The following TAP2 variants were observed in gnomAD, a reference collection of about 807,000 sequenced individuals.
TAP2 encodes the protein antigen peptide transporter 2.
In TAP2, 49 loss-of-function variants were observed where a neutral mutation model predicts 74.7. The ratio of observed to expected loss-of-function variants is 0.66; its 90% CI spans 0.52 to 0.83. The LOEUF (loss-of-function observed/expected upper bound fraction) is 0.83, where lower values mean the gene tolerates loss of function less well. Ranked by LOEUF, TAP2 falls within the 40% of genes least tolerant of loss-of-function variation. The pLI is 0.00. For synonymous variants in TAP2, 306 were observed against 368.4 expected (o/e 0.83, Z 1.94); for missense variants, 739 against 859.0 (o/e 0.86, Z 1.75).
In TAP2 at chr6:32,830,099, A is replaced by G. The variant is rs241436; in HGVS notation, c.1636-10T>C. ...GCCCAACTGAAACCACCTGTGCAGCAGGGACAGGGGCAGAGGACTATGTGT... is the reference window on the plus strand; with the variant it reads ...GCCCAACTGAAACCACCTGTGCAGCGGGGACAGGGGCAGAGGACTATGTGT... On this transcript the variant is annotated splice_polypyrimidine_tract_variant and intron_variant, in intron 9 of 11. Coordinates refer to ENST00000374897, the MANE Select transcript of TAP2 (RefSeq NM_001290043.2). The G allele has an allele frequency of 0.47, 751,599 of 1,612,616 alleles. 178,837 individuals are homozygous for G. Among genetic ancestry groups the G allele is most frequent in the East Asian group, 0.58 (25,974 of 44,862 alleles).
chr6:32,828,674 A>AGCG lies in TAP2; in HGVS notation c.*231_*232insCGC. Reference sequence around the variant, plus strand: ...GGAATTAAGTTTCCTGGACACAGACAGCCCCCACCCCACCCCACCCCACCT... The same window carrying AGCG: ...GGAATTAAGTTTCCTGGACACAGACAGCGGCCCCCACCCCACCCCACCCCACCT... On this transcript the variant is annotated 3_prime_UTR_variant, in exon 12 of 12. Coordinates refer to ENST00000374897, the MANE Select transcript of TAP2 (RefSeq NM_001290043.2). 5.4e-6 allele frequency: 5 copies of AGCG among 922,040 alleles called. No homozygotes were observed. Among genetic ancestry groups the AGCG allele is most frequent in the Non-Finnish European group, 6.5e-6 (5 of 765,332 alleles). The allele number at this position is 922,040 out of a possible 1,614,324, so 57.1% of individuals were successfully genotyped here.
downstream of TAP2, among the ~76,000 whole-genome samples, chr6:32,825,165 CAT>C (rs1456218318): frequency 3.4e-5 from 4 of 117,660 alleles, no homozygotes; most frequent in African/African-American, 1.2e-4. Flanking sequence ...CAGATAAACT[CAT>C]ATGTTGCTGC....
Position 32,832,960 on chromosome 6 carries a change from T to C in TAP2, c.946-136A>G. The C allele has an allele frequency of 1.0e-6, 1 of 1,000,704 alleles. No homozygotes were observed. The highest frequency in any genetic ancestry group is 1.5e-6 in the Non-Finnish European group (1 of 661,162). 62.0% of individuals were successfully genotyped at this position (1,000,704 alleles called of 1,614,324 possible). The stretch of plus-strand genomic sequence containing the variant: ...TTTCTCTCCCTCTTCCTTACTCTTC[T>C]TTCCAGAAGGAATAAGAGTGAAGGA... On this transcript the variant is annotated intron_variant, in intron 5 of 11. Coordinates refer to ENST00000374897, the MANE Select transcript of TAP2 (RefSeq NM_001290043.2). The surrounding 1 kb of genome is among the most constrained non-coding windows in gnomAD (Gnocchi z 5.9).
At position 32,826,634 on chromosome 6, in the gene TAP2, C is replaced by T; in HGVS notation, c.*2272G>A. The stretch of plus-strand genomic sequence containing the variant: ...AGTTTCCCCTGAGATAAGAAACTTT[C>T]AGGACATCTTAAGGTCTACTGCATC... On this transcript the variant is annotated 3_prime_UTR_variant, in exon 12 of 12. Transcript: ENST00000374897. 1.0e-6 allele frequency: 1 copy of T among 985,408 alleles called. No individual in the cohort carries two copies. Among genetic ancestry groups the T allele is most frequent in the Non-Finnish European group, 1.2e-6 (1 of 829,936 alleles). The allele number at this position is 985,408 out of a possible 1,614,324, so 61.0% of individuals were successfully genotyped here.
At chr6:32,831,260 C>G (rs1340804039) in intron 7 of TAP2, among the ~76,000 whole-genome samples, 1 of 152,182 alleles carries the variant, frequency 6.6e-6, no homozygotes, top group African/African-American at 2.4e-5. Flanking sequence ...TTTTTGAGAA[C>G]TGGTAAATGT....
downstream of TAP2, among the ~76,000 whole-genome samples, chr6:32,825,164 T>G (rs925020634): frequency 4.4e-5 from 5 of 114,428 alleles, no homozygotes; most frequent in African/African-American, 6.0e-5. Context: ...ACAGATAAAC[T>G]CATATGTTGC....
rs751087452 is a variant in TAP2 at position 32,837,785 on chromosome 6, G to A, written c.449C>T (p.Pro150Leu). 2.5e-5 allele frequency: 41 copies of A among 1,614,070 alleles called. No homozygotes were observed. The highest frequency in any genetic ancestry group is 3.1e-5 in the Non-Finnish European group (37 of 1,180,054). The change falls in exon 2 of 12, where the codon CCT becomes CTT. Residue 150 changes from proline (P) to leucine (L), a missense_variant. Coordinates refer to ENST00000374897, the MANE Select transcript of TAP2 (RefSeq NM_001290043.2). ...GAAGAAGAAGGCGGCAACGAGGAGA[G>A]GCAGGTCCGGCCTGGAGAGCTTCAG... ...RLLKLSRPDLPLLVAAFFFLV... is the reference protein window; with the variant it reads ...RLLKLSRPDLLLLVAAFFFLV...
At position 32,835,070 on chromosome 6, in the gene TAP2, G is replaced by C; in HGVS notation, c.945+84C>G. ...GCTGAGAAGAGAACATCTCTCTCTA[G>C]GGGATCCTCTAGCCACAAATGTGGA... On this transcript the variant is annotated intron_variant, in intron 5 of 11. Coordinates refer to ENST00000374897, the MANE Select transcript of TAP2 (RefSeq NM_001290043.2). The surrounding 1 kb of genome is among the most constrained non-coding windows in gnomAD (Gnocchi z 4.0). 1 of 1,403,038 alleles carries C rather than the reference G, an allele frequency of 7.1e-7. No individual in the cohort carries two copies. Among genetic ancestry groups the C allele is most frequent in the South Asian group, 1.2e-5 (1 of 84,080 alleles). 86.9% of individuals were successfully genotyped at this position (1,403,038 alleles called of 1,614,324 possible). A position where few individuals can be genotyped will look rare whatever the true frequency, so the allele number is the denominator to read the frequency against.
chr6:32,823,802 C>T (rs985361324), downstream of TAP2, among the ~76,000 whole-genome samples: 3 of 151,972 alleles, frequency 2.0e-5, no homozygotes. Context: ...CTTTATTGTG[C>T]ATTTTAAAAA....
Position 32,828,383 on chromosome 6 carries a change from A to G in TAP2, c.*523T>C. The G allele has an allele frequency of 1.0e-6, 1 of 985,910 alleles. No homozygotes were observed. Among genetic ancestry groups the G allele is most frequent in the Non-Finnish European group, 1.2e-6 (1 of 830,330 alleles). The allele number at this position is 985,910 out of a possible 1,614,324, so 61.1% of individuals were successfully genotyped here. ...GAACAAGGAAGGATATAGGAAGGCA[A>G]TCTCATGAATATTTATGTCATTTTT... On this transcript the variant is annotated 3_prime_UTR_variant, in exon 12 of 12. Transcript: ENST00000374897.
At chr6:32,822,602 C>T (rs1768356616), downstream of TAP2, among the ~76,000 whole-genome samples, 1 of 151,498 alleles carries the variant, frequency 6.6e-6, no homozygotes, top group Non-Finnish European at 1.5e-5. Context: ...TGCAGTGGCA[C>T]AATCATAGCT....
In TAP2 at chr6:32,827,583, G is replaced by A. The variant is rs1304299131; in HGVS notation, c.*1323C>T. 1 of 427,092 alleles carries A rather than the reference G, an allele frequency of 2.3e-6. No individual in the cohort carries two copies. Among genetic ancestry groups the A allele is most frequent in the Non-Finnish European group, 3.1e-6 (1 of 320,840 alleles). The allele number at this position is 427,092 out of a possible 1,614,324, so 26.5% of individuals were successfully genotyped here. On this transcript the variant is annotated 3_prime_UTR_variant, in exon 12 of 12. Transcript: ENST00000374897. ...GCCTCCTGGAAGACCTGAACCCTGA[G>A]TTAAGTCTTGAACTTGAAAATCAGG...
chr6:32,822,495 T>G (rs953753366), downstream of TAP2, among the ~76,000 whole-genome samples: 2 of 152,104 alleles, frequency 1.3e-5, no homozygotes, highest in East Asian at 1.9e-4. Flanking sequence ...ACTTGCTTCA[T>G]AAAAAAATTT....
intron 10 of TAP2, 101 bp downstream of exon 10, chr6:32,829,829 C>G: frequency 6.7e-7 from 1 of 1,487,676 alleles, no homozygotes; most frequent in Non-Finnish European, 9.4e-7. Context: ...GGCAGAGGAA[C>G]AGCAAACATC....
At chr6:32,831,676 A>T (rs1406417563) in intron 7 of TAP2, among the ~76,000 whole-genome samples, 1 of 152,216 alleles carries the variant, frequency 6.6e-6, no homozygotes, top group Admixed American at 6.5e-5. Context: ...TCCACAGGAC[A>T]AACAACCTAT....
chr6:32,828,331 C>G lies in TAP2; in HGVS notation c.*575G>C. 1.0e-6 allele frequency: 1 copy of G among 985,516 alleles called. No homozygotes were observed. Among genetic ancestry groups the G allele is most frequent in the Non-Finnish European group, 1.2e-6 (1 of 830,030 alleles). 61.0% of individuals were successfully genotyped at this position (985,516 alleles called of 1,614,324 possible). On this transcript the variant is annotated 3_prime_UTR_variant, in exon 12 of 12. Transcript: ENST00000374897. ...TGTTCTCTGTCCCTCCAGACCCTAG[C>G]TTCTTCAAAATAGCAGACACTGGTA...
rs1442374011 is a variant in TAP2, at chr6:32,837,843, G to C, written c.391C>G (p.Gln131Glu). The C allele has an allele frequency of 6.2e-7, 1 of 1,613,682 alleles. No individual in the cohort carries two copies. The highest frequency in any genetic ancestry group is 8.5e-7 in the Non-Finnish European group (1 of 1,180,010). Residue 131 changes from glutamine to glutamate, a missense_variant, in exon 2 of 12, where the codon CAG becomes GAG. Coordinates refer to ENST00000374897, the MANE Select transcript of TAP2 (RefSeq NM_001290043.2). Reference sequence around the variant, plus strand: ...CACATCAAGACTTTGTTGTTCACCTGGTCCTGCTCCTTCTCCTGGGCTCCA... The same window carrying C: ...CACATCAAGACTTTGTTGTTCACCTCGTCCTGCTCCTTCTCCTGGGCTCCA... Reference protein sequence around the residue: ...PPGAQEKEQDQVNNKVLMWRL... With the variant: ...PPGAQEKEQDEVNNKVLMWRL...
In TAP2 at chr6:32,838,195, C is replaced by A. The variant is rs1769566834; in HGVS notation, c.39G>T (p.Leu13=). Residue 13 remains leucine, a synonymous_variant, in exon 2 of 12, where the codon CTG becomes CTT. Transcript: ENST00000374897. ...LPDLRPWTSL[L]LVDAALLWLL... is the part of the protein sequence containing the mutation. ...GCCACAGTAAAGCCGCGTCCACCAG[C>A]AGCAGGGAGGTCCAGGGTCTCAGGT... 1 of 1,591,262 alleles carries A rather than the reference C, an allele frequency of 6.3e-7. No homozygotes were observed. Among genetic ancestry groups the A allele is most frequent in the Admixed American group, 1.7e-5 (1 of 57,772 alleles).
downstream of TAP2, among the ~76,000 whole-genome samples, chr6:32,822,778 G>A (rs900820960): frequency 5.9e-5 from 9 of 152,050 alleles, no homozygotes; most frequent in African/African-American, 1.9e-4. Context: ...CAATCCGACT[G>A]CTTAGGCCTC....
Sources: gnomAD v4.1 joint callset for allele counts (sites outside exome capture counted in the v4.1 genomes callset) on GRCh38, gnomAD v4.1.1 for gene constraint, Gnocchi (gnomAD v3.1) non-coding constraint, MANE v1.5 for transcripts, NCBI Gene and HGNC (gene_info 2026-07-23, HGNC 2026-07-21) for gene names.